TAFA2: variants seen among roughly 807,000 people sequenced by gnomAD.
TAFA2 encodes chemokine-like protein TAFA-2.
TAFA2 carries 7 observed loss-of-function variants against 18.8 expected under a neutral mutation model. The observed-to-expected ratio is 0.37, with a 90% CI of 0.21 to 0.70. The LOEUF is 0.70. TAFA2 is among the 30% of genes least tolerant of loss of function. The pLI is 0.53. For synonymous variants in TAFA2, 60 were observed against 54.2 expected (o/e 1.11, Z -0.47); for missense variants, 122 against 158.1 (o/e 0.77, Z 1.23).
intron 1 of TAFA2, among the ~76,000 whole-genome samples, chr12:61,921,875 T>C (rs999399378): frequency 1.1e-4 from 16 of 152,034 alleles, no homozygotes; most frequent in African/African-American, 3.9e-4. Flanking sequence ...TAAATGACAA[T>C]GAGACAAAAA....
chr12:61,847,160 T>A (rs1185572379), intron 2 of TAFA2, among the ~76,000 whole-genome samples: 1 of 152,236 alleles, frequency 6.6e-6, no homozygotes, highest in Non-Finnish European at 1.5e-5. Context: ...AGAAGAACTT[T>A]TCTGTATTAT....
chr12:61,878,806 A>G (rs563752374), intron 1 of TAFA2, among the ~76,000 whole-genome samples: 13 of 152,148 alleles, frequency 8.5e-5, no homozygotes, highest in Non-Finnish European at 1.8e-4. Flanking sequence ...CAAACCATAC[A>G]GTATAGTTCT....
At chr12:61,733,383 T>G (rs2120664316) in intron 4 of TAFA2, among the ~76,000 whole-genome samples, 1 of 152,276 alleles carries the variant, frequency 6.6e-6, no homozygotes, top group East Asian at 1.9e-4. Context: ...CCAGGTTTTC[T>G]TCTAGGGTTT....
intron 1 of TAFA2, among the ~76,000 whole-genome samples, chr12:62,119,802 G>A (rs1052697817): frequency 5.3e-5 from 8 of 152,098 alleles, no homozygotes; most frequent in Middle Eastern, 3.2e-3. Flanking sequence ...GGCCGGGCAC[G>A]GTGGCTCACA....
intron 1 of TAFA2, among the ~76,000 whole-genome samples, chr12:61,960,841 C>T (rs1178651705): frequency 1.3e-5 from 2 of 150,922 alleles, no homozygotes; most frequent in East Asian, 3.9e-4. Context: ...ACATTTATAA[C>T]ATCTCATAAG....
At chr12:61,842,853 G>C (rs1873243345) in intron 2 of TAFA2, among the ~76,000 whole-genome samples, 1 of 151,932 alleles carries the variant, frequency 6.6e-6, no homozygotes, top group South Asian at 2.1e-4. Flanking sequence ...CATTTAGTAG[G>C]GCAATCAAAT....
At chr12:62,103,686 A>G (rs1216952168) in intron 1 of TAFA2, among the ~76,000 whole-genome samples, 1 of 151,946 alleles carries the variant, frequency 6.6e-6, no homozygotes, top group Non-Finnish European at 1.5e-5. Flanking sequence ...GGTTGCGGTG[A>G]GCCAAGATTG....
chr12:62,181,995 C>CCT lies in TAFA2; in HGVS notation c.-2+9263_-2+9264insAG, dbSNP rs1555196477. Among the ~76,000 whole-genome samples, 434 of 149,474 alleles carry CCT rather than the reference C, an allele frequency of 2.9e-3. 7 individuals carry two copies. The highest frequency in any genetic ancestry group is 4.8e-3 in the Non-Finnish European group (321 of 67,240). On this transcript the variant is annotated intron_variant, in intron 1 of 4. Transcript: ENST00000416284. ...TTCATCTTTTCTCAAGTCCATCCCC[C>CCT]CCCCGCTACACATAGTAGCTACTCA...
At chr12:62,148,900 T>A (rs2062306222) in intron 1 of TAFA2, among the ~76,000 whole-genome samples, 1 of 152,210 alleles carries the variant, frequency 6.6e-6, no homozygotes, top group Admixed American at 6.5e-5. Context: ...TCTCCCCTTG[T>A]TGAGGTATTC....
At chr12:62,154,873 A>G (rs1292667648) in intron 1 of TAFA2, among the ~76,000 whole-genome samples, 1 of 152,160 alleles carries the variant, frequency 6.6e-6, no homozygotes, top group Admixed American at 6.5e-5. Flanking sequence ...AGCATTCCCC[A>G]TGACAGGTGA....
intron 1 of TAFA2, among the ~76,000 whole-genome samples, chr12:62,052,240 G>A (rs1415292494): frequency 6.6e-6 from 1 of 152,056 alleles, no homozygotes; most frequent in Non-Finnish European, 1.5e-5. Context: ...GTTTCCCAGG[G>A]ACTGGAAGGC....
At position 62,216,524 on chromosome 12, in the gene TAFA2, A is replaced by G. The variant is rs545312351; in HGVS notation, c.-130+42239T>C. Among the ~76,000 whole-genome samples, 23 of 152,338 alleles carry G rather than the reference A, an allele frequency of 1.5e-4. No homozygotes were observed. The South Asian group carries it at 4.6e-3, about 30-fold the overall frequency. On this transcript the variant is annotated intron_variant, in intron 1 of 5. Coordinates refer to the TAFA2 transcript ENST00000551619. ...CAAGGACCCTACAAAAAACAGACATATCTTGGAGAATGACAGTAAAGTAAG... is the reference window on the plus strand; with the variant it reads ...CAAGGACCCTACAAAAAACAGACATGTCTTGGAGAATGACAGTAAAGTAAG...
At chr12:61,868,562 G>A (rs766407167) in intron 1 of TAFA2, among the ~76,000 whole-genome samples, 19 of 151,802 alleles carry the variant, frequency 1.3e-4, no homozygotes, top group Non-Finnish European at 2.2e-4. Context: ...TATTTTCTAG[G>A]TTACCCTTTT....
At chr12:61,785,319 TTGTGTGTG>T (rs57166010) in intron 2 of TAFA2, among the ~76,000 whole-genome samples, 6,371 of 140,070 alleles carry the variant, frequency 0.045, 190 homozygotes, top group African/African-American at 0.079. Context: ...AATAGTATTC[TTGTGTGTG>T]TGTGTGTGTG....
At chr12:61,989,400 A>G (rs1879924765) in intron 1 of TAFA2, among the ~76,000 whole-genome samples, 1 of 147,698 alleles carries the variant, frequency 6.8e-6, no homozygotes, top group Non-Finnish European at 1.5e-5. Flanking sequence ...CCAACCCTAA[A>G]AGAGCAAAAC....
intron 4 of TAFA2, among the ~76,000 whole-genome samples, chr12:61,722,395 G>A (rs1268952672): frequency 6.6e-6 from 1 of 152,124 alleles, no homozygotes; most frequent in East Asian, 1.9e-4. Flanking sequence ...GAGGAAGAGT[G>A]GAACTTTTGT....
At chr12:61,911,655 A>G (rs909970956) in intron 1 of TAFA2, among the ~76,000 whole-genome samples, 2 of 152,136 alleles carry the variant, frequency 1.3e-5, no homozygotes, top group Non-Finnish European at 2.9e-5. Context: ...GGGGCAGAGC[A>G]AAAACAAAAC....
At chr12:61,781,527 CTTTTTA>C (rs979838237) in intron 2 of TAFA2, among the ~76,000 whole-genome samples, 19 of 151,708 alleles carry the variant, frequency 1.3e-4, no homozygotes, top group African/African-American at 4.6e-4. Context: ...TTCCATTTTC[CTTTTTA>C]TAATATGCAT....
chr12:62,082,529 G>C (rs1380380907), intron 1 of TAFA2, among the ~76,000 whole-genome samples: 1 of 152,152 alleles, frequency 6.6e-6, no homozygotes, highest in Non-Finnish European at 1.5e-5. Context: ...CTAAGTGCCA[G>C]ATATGGTTCC....
Sources: allele counts gnomAD v4.1 joint callset (sites outside exome capture counted in the v4.1 genomes callset), GRCh38; gene constraint gnomAD v4.1.1; transcripts MANE v1.5; gene names NCBI Gene and HGNC (gene_info 2026-07-23, HGNC 2026-07-21).